CCDC146: variants seen among roughly 807,000 people sequenced by gnomAD.
CCDC146 encodes coiled-coil domain-containing protein 146.
CCDC146 carries 92 observed loss-of-function variants against 119.3 expected under a neutral mutation model. That is an observed-to-expected ratio of 0.77 (90% CI 0.65 to 0.92). The LOEUF (loss-of-function observed/expected upper bound fraction) is 0.92. Among genes scored for constraint, CCDC146 ranks in the 40% least tolerant of loss-of-function variants. The pLI is 0.00. For synonymous variants in CCDC146, 372 were observed against 371.8 expected (o/e 1.00, Z -0.01); for missense variants, 1,000 against 1,103.0 (o/e 0.91, Z 1.32).
At chr7:77,168,354 G>GTT (rs35319656) in intron 2 of CCDC146, among the ~76,000 whole-genome samples, 1 of 142,940 alleles carries the variant, frequency 7.0e-6, no homozygotes. Flanking sequence ...TATGAGGAGA[G>GTT]TTTTTTTTTT....
At chr7:77,208,616 C>A (rs1380782915) in intron 2 of CCDC146, among the ~76,000 whole-genome samples, 1 of 152,232 alleles carries the variant, frequency 6.6e-6, no homozygotes, top group Non-Finnish European at 1.5e-5. Context: ...GCTGCCTGGG[C>A]AGAGAAGAGA....
intron 4 of CCDC146, chr7:77,242,244 G>T: frequency 2.5e-6 from 1 of 393,032 alleles, no homozygotes; most frequent in Non-Finnish European, 4.0e-6. Context: ...CATGACTATA[G>T]CAGTACCAGA....
intron 1 of CCDC146, among the ~76,000 whole-genome samples, chr7:77,154,190 T>C (rs1791147442): frequency 6.6e-6 from 1 of 152,128 alleles, no homozygotes. Context: ...AGATAATTTT[T>C]AGGGTGATGG....
intron 2 of CCDC146, among the ~76,000 whole-genome samples, chr7:77,231,567 G>A (rs1343645612): frequency 4.0e-5 from 6 of 151,816 alleles, no homozygotes; most frequent in East Asian, 3.9e-4. Flanking sequence ...TCTTCTGCTT[G>A]CTCAAATCTA....
At chr7:77,220,586 G>A (rs139693994) in intron 2 of CCDC146, among the ~76,000 whole-genome samples, 136 of 152,272 alleles carry the variant, frequency 8.9e-4, no homozygotes, top group African/African-American at 3.1e-3. Context: ...TTCTGCTGTG[G>A]CTTCAGCCAG....
chr7:77,163,847 CTTTCTTTTTTTTCTTTTTT>C (rs1791299949), intron 1 of CCDC146, among the ~76,000 whole-genome samples: 1 of 132,886 alleles, frequency 7.5e-6, no homozygotes, highest in African/African-American at 2.9e-5. Flanking sequence ...TTCTTTCTTT[CTTTCTTTTTTTTCTTTTTT>C]TTTTTTTTTT....
At chr7:77,215,528 A>G (rs1175357390) in intron 2 of CCDC146, among the ~76,000 whole-genome samples, 1 of 152,090 alleles carries the variant, frequency 6.6e-6, no homozygotes, top group Admixed American at 6.6e-5. Flanking sequence ...TGCTAGGTTA[A>G]TCTTTGTTTC....
chr7:77,259,505 G>T (rs1417326870), intron 7 of CCDC146, among the ~76,000 whole-genome samples: 2 of 152,168 alleles, frequency 1.3e-5, no homozygotes, highest in Admixed American at 1.3e-4. Flanking sequence ...TTGGGAGGCA[G>T]AGGTCATTGA....
At chr7:77,168,229 C>A (rs1791367378) in intron 2 of CCDC146, among the ~76,000 whole-genome samples, 1 of 151,924 alleles carries the variant, frequency 6.6e-6, no homozygotes, top group Non-Finnish European at 1.5e-5. Flanking sequence ...TGCAGTGGAG[C>A]ACTGAAATCT....
chr7:77,189,213 G>A (rs1218806067), intron 2 of CCDC146, among the ~76,000 whole-genome samples: 1 of 152,006 alleles, frequency 6.6e-6, no homozygotes, highest in African/African-American at 2.4e-5. Flanking sequence ...TTGCAGACAG[G>A]CTTCCCCTGC....
At chr7:77,139,633 A>G (rs1447337238) in intron 1 of CCDC146, among the ~76,000 whole-genome samples, 1 of 152,132 alleles carries the variant, frequency 6.6e-6, no homozygotes, top group East Asian at 1.9e-4. Flanking sequence ...AGTATGCTGG[A>G]AATCTCTGTA....
At chr7:77,234,304 T>C (rs529140079) in intron 2 of CCDC146, among the ~76,000 whole-genome samples, 28 of 152,160 alleles carry the variant, frequency 1.8e-4, no homozygotes, top group Admixed American at 1.5e-3. Context: ...CTATGGTCTG[T>C]ATACTTTGGG....
chr7:77,153,968 C>G (rs913642935), intron 1 of CCDC146, among the ~76,000 whole-genome samples: 2 of 151,706 alleles, frequency 1.3e-5, no homozygotes, highest in Non-Finnish European at 2.9e-5. Context: ...GAATACCATT[C>G]GGCAATTAAG....
At chr7:77,233,195 T>C (rs951883463) in intron 2 of CCDC146, among the ~76,000 whole-genome samples, 8 of 151,766 alleles carry the variant, frequency 5.3e-5, no homozygotes, top group Non-Finnish European at 1.2e-4. Context: ...TTCAAGCGAT[T>C]CTCCTGCCTC....
chr7:77,130,977 T>C (rs1584012236), intron 1 of CCDC146, among the ~76,000 whole-genome samples: 1 of 149,746 alleles, frequency 6.7e-6, no homozygotes, highest in Non-Finnish European at 1.5e-5. Flanking sequence ...CTGCAACCTC[T>C]GCCTCCCAGG....
chr7:77,143,565 C>T (rs1236159798), intron 1 of CCDC146, among the ~76,000 whole-genome samples: 3 of 152,040 alleles, frequency 2.0e-5, no homozygotes, highest in Admixed American at 6.5e-5. Context: ...ACATTTAAGA[C>T]TTTAATCAAT....
intron 16 of CCDC146, 47 bp from the exon 17 acceptor site, chr7:77,287,393 T>G (rs1482484002): frequency 6.2e-7 from 1 of 1,600,796 alleles, no homozygotes; most frequent in Admixed American, 1.7e-5. Context: ...AGATTTTGTC[T>G]TAGATGACTT....
intron 2 of CCDC146, chr7:77,198,812 C>G: frequency 3.9e-6 from 1 of 255,528 alleles, no homozygotes; most frequent in Non-Finnish European, 7.4e-6. Context: ...TTCCAACAAA[C>G]AAGGCACAAT....
intron 2 of CCDC146, among the ~76,000 whole-genome samples, chr7:77,187,569 C>A (rs967509055): frequency 6.6e-6 from 1 of 152,222 alleles, no homozygotes; most frequent in Non-Finnish European, 1.5e-5. Context: ...CTGGTCTCAG[C>A]ATGTCATTCA....
Sources: gnomAD v4.1 joint callset for allele counts (sites outside exome capture counted in the v4.1 genomes callset) on GRCh38, gnomAD v4.1.1 for gene constraint, MANE v1.5 for transcripts, NCBI Gene and HGNC (gene_info 2026-07-23, HGNC 2026-07-21) for gene names.